CREB5: variants seen among roughly 807,000 people sequenced by gnomAD.
CREB5 encodes cyclic AMP-responsive element-binding protein 5.
In CREB5, 19 loss-of-function variants were observed where a neutral mutation model predicts 57.1. The observed-to-expected ratio is 0.33, with a 90% CI of 0.23 to 0.49. CREB5 has a LOEUF of 0.49. Among genes scored for constraint, CREB5 ranks in the 20% least tolerant of loss-of-function variants. The pLI is 0.99. For missense variants in CREB5, 579 were observed against 671.6 expected, an observed-to-expected ratio of 0.86 and a Z score of 1.52; for synonymous variants, 238 against 238.3, an observed-to-expected ratio of 1.00 and a Z score of 0.01.
At chr7:28,736,825 T>TC (rs375102855) in intron 7 of CREB5, among the ~76,000 whole-genome samples, 80 of 12,176 alleles carry the variant, frequency 6.6e-3, no homozygotes, top group South Asian at 0.014. Flanking sequence ...TCTCTCTCTC[T>TC]TTTTTTTTTT....
chr7:28,676,533 T>A (rs982207655), intron 5 of CREB5, among the ~76,000 whole-genome samples: 3 of 152,188 alleles, frequency 2.0e-5, no homozygotes, highest in Non-Finnish European at 2.9e-5. Context: ...GTGGATAGAC[T>A]GGCCCTTTCT....
At chr7:28,697,446 A>G (rs1801634526) in intron 5 of CREB5, among the ~76,000 whole-genome samples, 1 of 152,140 alleles carries the variant, frequency 6.6e-6, no homozygotes, top group Non-Finnish European at 1.5e-5. Flanking sequence ...CTCTTGTGGA[A>G]AAGCCCATTA....
intron 5 of CREB5, among the ~76,000 whole-genome samples, chr7:28,635,801 C>A (rs1036677971): frequency 6.6e-6 from 1 of 152,172 alleles, no homozygotes; most frequent in Non-Finnish European, 1.5e-5. Context: ...CTGGGCCCAG[C>A]CACATTTCAG....
At chr7:28,369,771 A>T (rs1467395427) in intron 1 of CREB5, among the ~76,000 whole-genome samples, 1 of 152,202 alleles carries the variant, frequency 6.6e-6, no homozygotes, top group Admixed American at 6.5e-5. Flanking sequence ...TATGTCTGCA[A>T]GTCTTCCTGT....
intron 7 of CREB5, among the ~76,000 whole-genome samples, chr7:28,791,727 A>G (rs902633498): frequency 6.6e-6 from 1 of 152,232 alleles, no homozygotes; most frequent in Non-Finnish European, 1.5e-5. Flanking sequence ...CATGAAAATG[A>G]TATCTTAAGC....
intron 1 of CREB5, among the ~76,000 whole-genome samples, chr7:28,338,896 C>A (rs1785879271): frequency 6.6e-6 from 1 of 151,818 alleles, no homozygotes; most frequent in African/African-American, 2.4e-5. Flanking sequence ...TTGATCAGTT[C>A]TGCTATTAAG....
chr7:28,642,989 C>CAA, intron 5 of CREB5, among the ~76,000 whole-genome samples: 1 of 71,108 alleles, frequency 1.4e-5, no homozygotes, highest in Non-Finnish European at 3.3e-5. Flanking sequence ...CACACACATA[C>CAA]ACACACACAC....
At chr7:28,371,487 ATC>A (rs1274866873) in intron 1 of CREB5, among the ~76,000 whole-genome samples, 2 of 78,872 alleles carry the variant, frequency 2.5e-5, no homozygotes, top group East Asian at 9.5e-4. Context: ...AGACTACTCC[ATC>A]TCAAAAAAAA....
At chr7:28,363,754 G>A (rs1432650125) in intron 1 of CREB5, among the ~76,000 whole-genome samples, 1 of 152,160 alleles carries the variant, frequency 6.6e-6, no homozygotes, top group Non-Finnish European at 1.5e-5. Context: ...TCGAATCTTG[G>A]CTTCCCATTA....
chr7:28,655,467 C>T, intron 5 of CREB5, among the ~76,000 whole-genome samples: 1 of 151,934 alleles, frequency 6.6e-6, no homozygotes, highest in East Asian at 1.9e-4. Context: ...AAAAATTAGC[C>T]AGGCATTGTG....
chr7:28,746,055 A>T (rs952655442), intron 7 of CREB5, among the ~76,000 whole-genome samples: 1 of 152,138 alleles, frequency 6.6e-6, no homozygotes, highest in Admixed American at 6.6e-5. Context: ...TCTCATTCTG[A>T]GGGGAAAATC....
chr7:28,450,962 G>T (rs1197049450), intron 1 of CREB5, among the ~76,000 whole-genome samples: 1 of 152,140 alleles, frequency 6.6e-6, no homozygotes, highest in Non-Finnish European at 1.5e-5. Flanking sequence ...GGAACTCTAG[G>T]TCTATAGAGG....
intron 5 of CREB5, among the ~76,000 whole-genome samples, chr7:28,685,371 G>A (rs1157221187): frequency 1.3e-5 from 2 of 152,142 alleles, no homozygotes; most frequent in African/African-American, 2.4e-5. Flanking sequence ...CTCCAGACAC[G>A]GGCACGTGTT....
chr7:28,614,849 C>T (rs984844260), intron 5 of CREB5, among the ~76,000 whole-genome samples: 3 of 152,116 alleles, frequency 2.0e-5, no homozygotes, highest in African/African-American at 7.2e-5. Context: ...CACTTTTAGC[C>T]TCTCTCAAGG....
At position 28,608,094 on chromosome 7, in the gene CREB5, G is replaced by GTC. The variant is rs149947396; in HGVS notation, c.464+37576_464+37577dup. On this transcript the variant is annotated intron_variant, in intron 5 of 10. Transcript: ENST00000357727. ...ATTTCACACCCATGCCTCTCTCTCTGTCTCTCTCTCTCTCTCTCTCACACA... is the reference window on the plus strand; with the variant it reads ...ATTTCACACCCATGCCTCTCTCTCTGTCTCTCTCTCTCTCTCTCTCTCACACA... Among the ~76,000 whole-genome samples the GTC allele has an allele frequency of 2.0e-4, 15 of 76,754 alleles. No individual in the cohort carries two copies. In the South Asian group the frequency reaches 3.4e-3, roughly 17 times the overall value. The allele number at this position is 76,754 out of a possible 152,430, so 50.4% of individuals were successfully genotyped here. A position where few individuals can be genotyped will look rare whatever the true frequency, so the allele number is the denominator to read the frequency against.
chr7:28,567,031 T>C (rs114764183), intron 4 of CREB5, among the ~76,000 whole-genome samples: 2,860 of 152,300 alleles, frequency 0.019, 99 homozygotes, highest in African/African-American at 0.065. Context: ...TCTGAAGAAA[T>C]TAAACCTATT....
chr7:28,499,042 A>C (rs909852050), intron 3 of CREB5, among the ~76,000 whole-genome samples: 5 of 152,116 alleles, frequency 3.3e-5, no homozygotes, highest in Non-Finnish European at 5.9e-5. Context: ...ATCAAATTTC[A>C]GCAGAGCGGT....
At chr7:28,573,196 T>C (rs1410477419) in intron 5 of CREB5, among the ~76,000 whole-genome samples, 1 of 152,246 alleles carries the variant, frequency 6.6e-6, no homozygotes, top group Non-Finnish European at 1.5e-5. Flanking sequence ...TGAGTACTTA[T>C]TTGAAAACAC....
chr7:28,657,717 GAAAAAAAA>G (rs59307921), intron 5 of CREB5, among the ~76,000 whole-genome samples: 2 of 54,034 alleles, frequency 3.7e-5, no homozygotes, highest in South Asian at 7.9e-4. Context: ...ACTCTCTCTC[GAAAAAAAA>G]AAAAAAAAAA....
Sources: gnomAD v4.1 joint callset for allele counts (sites outside exome capture counted in the v4.1 genomes callset) on GRCh38, gnomAD v4.1.1 for gene constraint, MANE v1.5 for transcripts, NCBI Gene and HGNC (gene_info 2026-07-23, HGNC 2026-07-21) for gene names.